PRR5: variants seen among roughly 807,000 people sequenced by gnomAD.
The protein encoded by PRR5 is proline rich 5, also known as proline-rich protein 5.
In PRR5, 25 loss-of-function variants were observed where a neutral mutation model predicts 30.6. The ratio of observed to expected loss-of-function variants is 0.82; its 90% CI spans 0.60 to 1.14. The LOEUF (loss-of-function observed/expected upper bound fraction) is 1.14, where lower values mean the gene tolerates loss of function less well. Among genes scored for constraint, PRR5 ranks in the 50% most tolerant of loss-of-function variants. The pLI is 0.00. For synonymous variants in PRR5, 286 were observed against 247.1 expected, an observed-to-expected ratio of 1.16 and a Z score of -1.48; for missense variants, 600 against 547.1, an observed-to-expected ratio of 1.10 and a Z score of -0.96.
chr22:44,737,135 T>A lies in PRR5; in HGVS notation c.1055T>A (p.Ile352Asn). The change falls in exon 8 of 8, where the codon ATC becomes AAC. Residue 352 changes from isoleucine (I) to asparagine (N), a missense_variant. By Grantham distance (149) the Ile-to-Asn change is moderately radical. Coordinates refer to ENST00000336985, the MANE Select transcript of PRR5 (RefSeq NM_181333.4). ...AGCCCGGAGAACCTGGTGGACCAGATCCTGGAGTCCGTGGACTCGGATTCT... is the reference window on the plus strand; with the variant it reads ...AGCCCGGAGAACCTGGTGGACCAGAACCTGGAGTCCGTGGACTCGGATTCT... ...RSSPENLVDQ[I>N]LESVDSDSEG... 1 of 1,612,582 alleles carries A rather than the reference T, an allele frequency of 6.2e-7. No individual in the cohort carries two copies. Among genetic ancestry groups the A allele is most frequent in the South Asian group, 1.1e-5 (1 of 91,088 alleles).
At chr22:44,727,576 T>C (rs1318798174) in intron 4 of PRR5, among the ~76,000 whole-genome samples, 1 of 152,188 alleles carries the variant, frequency 6.6e-6, no homozygotes, top group Non-Finnish European at 1.5e-5. Context: ...AGGCACGGTG[T>C]CCTGCCCAGG....
intron 4 of PRR5, chr22:44,730,859 CTCTG>C (rs1269155316): frequency 3.3e-5 from 15 of 447,848 alleles, no homozygotes; most frequent in Non-Finnish European, 4.9e-5. Context: ...GAGGCTCAGC[CTCTG>C]TCTGCTTGGT....
intron 6 of PRR5, 32 bp downstream of exon 6, chr22:44,732,423 G>A (rs1463575086): frequency 1.3e-6 from 2 of 1,587,896 alleles, no homozygotes; most frequent in East Asian, 2.3e-5. Flanking sequence ...TCGGGCATGG[G>A]GACCGTGGGG....
Position 44,691,874 on chromosome 22 carries a change from CG to C in PRR5, c.-10-10617del, listed in dbSNP as rs1484176667. On this transcript the variant is annotated intron_variant, in intron 1 of 8. Coordinates refer to the PRR5 transcript ENST00000006251. The surrounding 1 kb of genome is among the most constrained non-coding windows in gnomAD (Gnocchi z 4.4). ...GCTGGTGGTTGCCACCCTGGTTGGA[CG>C]CCCCTCCTCCACGAGGGAAGCCAGG... is the stretch of plus-strand genomic sequence containing the variant. 6.6e-6 allele frequency among the ~76,000 whole-genome samples: 1 copy of C among 152,056 alleles called. No homozygotes were observed. Among genetic ancestry groups the C allele is most frequent in the Non-Finnish European group, 1.5e-5 (1 of 67,986 alleles).
chr22:44,712,731 C>T (rs921594182), intron 1 of PRR5, among the ~76,000 whole-genome samples: 3 of 152,222 alleles, frequency 2.0e-5, no homozygotes, highest in Non-Finnish European at 4.4e-5. Flanking sequence ...CAGCTGTCCC[C>T]TCCAAGGTGA....
intron 4 of PRR5, chr22:44,730,427 A>G: frequency 2.0e-6 from 2 of 985,400 alleles, no homozygotes; most frequent in Non-Finnish European, 2.4e-6. Context: ...AGCTCCGCTC[A>G]GTCCAGGCAG....
intron 1 of PRR5, among the ~76,000 whole-genome samples, chr22:44,709,347 CG>C (rs1030981614): frequency 7.6e-4 from 116 of 152,168 alleles, no homozygotes; most frequent in African/African-American, 2.8e-3. Context: ...GAGGGAGAGG[CG>C]GGGGTAAAAG....
chr22:44,699,285 C>T (rs190823900), upstream of PRR5, among the ~76,000 whole-genome samples: 807 of 152,310 alleles, frequency 5.3e-3, 3 homozygotes, highest in African/African-American at 0.018. Flanking sequence ...CTCCCTCCCT[C>T]TCTGGAGCTG....
intron 1 of PRR5, among the ~76,000 whole-genome samples, chr22:44,688,612 G>A (rs1319353930): frequency 6.6e-6 from 1 of 152,184 alleles, no homozygotes; most frequent in Non-Finnish European, 1.5e-5. Flanking sequence ...AAGGCAGGGA[G>A]GCTGTCACTC....
intron 2 of PRR5, among the ~76,000 whole-genome samples, chr22:44,719,334 C>T (rs992648609): frequency 1.1e-4 from 16 of 152,128 alleles, no homozygotes; most frequent in African/African-American, 3.6e-4. Flanking sequence ...CCTCCTGCCT[C>T]AGTGTTGGGA....
upstream of PRR5, among the ~76,000 whole-genome samples, chr22:44,697,749 C>T (rs1925891044): frequency 6.6e-6 from 1 of 152,238 alleles, no homozygotes; most frequent in Non-Finnish European, 1.5e-5. Context: ...CCTCAGCTCC[C>T]CCACTTGCTG....
intron 1 of PRR5, among the ~76,000 whole-genome samples, chr22:44,692,352 GCTC>G (rs1379771795): frequency 1.6e-5 from 2 of 127,156 alleles, no homozygotes; most frequent in African/African-American, 6.3e-5. Flanking sequence ...CCTCCTGGGG[GCTC>G]CTCCTCCCAG....
chr22:44,705,933 A>G (rs1031437757), intron 1 of PRR5, among the ~76,000 whole-genome samples: 2 of 152,012 alleles, frequency 1.3e-5, no homozygotes, highest in African/African-American at 4.8e-5. Context: ...CTGGGATTGT[A>G]GGCGCCCACT....
At chr22:44,670,004 G>A (rs751191510) in intron 1 of PRR5, among the ~76,000 whole-genome samples, 29 of 152,204 alleles carry the variant, frequency 1.9e-4, no homozygotes, top group Non-Finnish European at 3.2e-4. Flanking sequence ...TTGATAAAAT[G>A]TCAATTCCTG....
At chr22:44,725,643 G>C (rs1403328466) in intron 3 of PRR5, among the ~76,000 whole-genome samples, 1 of 151,236 alleles carries the variant, frequency 6.6e-6, no homozygotes, top group Non-Finnish European at 1.5e-5. Context: ...GCTAATTTTT[G>C]TTTTTTGTCT....
chr22:44,711,186 G>T (rs901974648), intron 1 of PRR5, among the ~76,000 whole-genome samples: 2 of 152,204 alleles, frequency 1.3e-5, no homozygotes, highest in African/African-American at 2.4e-5. Context: ...GCTGGGCTTT[G>T]CTCTGTGCGG....
intron 1 of PRR5, among the ~76,000 whole-genome samples, chr22:44,710,396 G>A (rs1928001807): frequency 2.0e-5 from 3 of 152,160 alleles, no homozygotes; most frequent in Admixed American, 6.5e-5. Flanking sequence ...TGCCTGCTGG[G>A]GCTGGGGGGG....
intron 2 of PRR5, among the ~76,000 whole-genome samples, chr22:44,724,062 G>C (rs192780649): frequency 1.3e-5 from 2 of 152,342 alleles, no homozygotes; most frequent in Non-Finnish European, 2.9e-5. Flanking sequence ...AGCAGAGCTT[G>C]TACTTAACCA....
At chr22:44,679,960 T>C in intron 1 of PRR5, 1 of 1,408,684 alleles carries the variant, frequency 7.1e-7, no homozygotes. Flanking sequence ...GGCTGGAGGC[T>C]TAGGGAAAGG....
Sources: gnomAD v4.1 joint callset for allele counts (sites outside exome capture counted in the v4.1 genomes callset) on GRCh38, gnomAD v4.1.1 for gene constraint, Gnocchi (gnomAD v3.1) non-coding constraint, MANE v1.5 for transcripts, NCBI Gene and HGNC (gene_info 2026-07-23, HGNC 2026-07-21) for gene names.